Variants in PRR29 observed in about 807,000 individuals in gnomAD.
PRR29 encodes proline rich 29.
PRR29 carries 20 observed loss-of-function variants against 25.1 expected under a neutral mutation model. The observed-to-expected ratio is 0.80, with a 90% confidence interval of 0.56 to 1.16. The LOEUF (loss-of-function observed/expected upper bound fraction) is 1.16. Ranked by LOEUF, PRR29 falls within the 50% of genes most tolerant of loss-of-function variation. The probability of loss-of-function intolerance (pLI) is 0.00; values close to 1 mark genes in which losing one functional copy is unlikely to be tolerated. For synonymous variants in PRR29, 108 were observed against 102.6 expected (o/e 1.05, Z -0.32); for missense variants, 238 against 246.6 (o/e 0.97, Z 0.23).
At position 64,001,534 on chromosome 17, in the gene PRR29, T is replaced by C. The variant is rs1031888122; in HGVS notation, c.538T>C (p.Ser180Pro). Residue 180 changes from serine (S) to proline (P), a missense_variant, in exon 5 of 6, where the codon TCA becomes CCA. Ser to Pro is a moderately conservative substitution (Grantham distance 74). Transcript: ENST00000412177. ...GTVGADVPPA[S>P]DYYDAESLL ...TGTGGGTGCTGATGTACCCCCGGCT[T>C]CAGGTAGGGCTGGGGTGGTGGGCAG... 3 of 1,517,980 alleles carry C rather than the reference T, an allele frequency of 2.0e-6. No homozygotes were observed. Among genetic ancestry groups the C allele is most frequent in the Admixed American group, 2.1e-5 (1 of 48,578 alleles). The allele number at this position is 1,517,980 out of a possible 1,614,324, so 94.0% of individuals were successfully genotyped here.
At chr17:64,000,819 ATTTTTT>A (rs55731979) in intron 3 of PRR29, 3,116 of 304,198 alleles carry the variant, frequency 0.01, 1 homozygote, top group South Asian at 0.021. Flanking sequence ...TGCCCAGCTA[ATTTTTT>A]TTTTTTTTTT....
intron 3 of PRR29, among the ~76,000 whole-genome samples, chr17:64,000,294 G>A (rs982493074): frequency 1.3e-5 from 2 of 152,144 alleles, no homozygotes; most frequent in African/African-American, 4.8e-5. Context: ...TGTAGTAAAC[G>A]CTCAATAAAC....
intron 4 of PRR29, 25 bp downstream of exon 4, chr17:64,001,335 G>A: frequency 6.5e-7 from 1 of 1,527,410 alleles, no homozygotes; most frequent in Non-Finnish European, 8.8e-7. Context: ...GTGCTGCCAG[G>A]GTTCTGCTCT....
chr17:64,000,370 C>G (rs540728232), intron 3 of PRR29, among the ~76,000 whole-genome samples: 35 of 152,252 alleles, frequency 2.3e-4, no homozygotes, highest in African/African-American at 8.4e-4. Context: ...CTCTCTGTCA[C>G]CTAGGCTGGA....
rs1910997337 is a variant in PRR29 at position 64,003,802 on chromosome 17, G to T, written c.*2041G>T. 2 of 1,614,142 alleles carry T rather than the reference G, an allele frequency of 1.2e-6. No individual in the cohort carries two copies. Among genetic ancestry groups the T allele is most frequent in the Non-Finnish European group, 8.5e-7 (1 of 1,180,058 alleles). On this transcript the variant is annotated 3_prime_UTR_variant, in exon 6 of 6. Coordinates refer to ENST00000412177, the MANE Select transcript of PRR29 (RefSeq NM_001164257.2). Reference sequence around the variant, plus strand: ...TGTGGCCTCCTGCGGAGCAGGGGCTGCCTTCCCGAAGGTCTCATAGTGCAG... The same window carrying T: ...TGTGGCCTCCTGCGGAGCAGGGGCTTCCTTCCCGAAGGTCTCATAGTGCAG...
In PRR29 at chr17:64,003,245, A is replaced by G; in HGVS notation, c.*1484A>G. 2.3e-6 allele frequency: 1 copy of G among 435,830 alleles called. No individual in the cohort carries two copies. Among genetic ancestry groups the G allele is most frequent in the Non-Finnish European group, 4.2e-6 (1 of 239,588 alleles). 27.0% of individuals were successfully genotyped at this position (435,830 alleles called of 1,614,324 possible). ...CCTGGAGGGTGGCATGGTCCCAGCCAAGCCCCTTCTTGGGCAGAGCTGAGT... is the reference window on the plus strand; with the variant it reads ...CCTGGAGGGTGGCATGGTCCCAGCCGAGCCCCTTCTTGGGCAGAGCTGAGT... On this transcript the variant is annotated 3_prime_UTR_variant, in exon 6 of 6. Transcript: ENST00000412177.
rs776925068 is a variant in PRR29 at position 64,002,915 on chromosome 17, C to CCCTG, written c.*1154_*1155insCCTG. 4.3e-6 allele frequency: 7 copies of CCCTG among 1,612,916 alleles called. No individual in the cohort carries two copies. The highest frequency in any genetic ancestry group is 5.9e-6 in the Non-Finnish European group (7 of 1,179,538). ...TGACTATGATGACCATCTGGCTGTC[C>CCCTG]GACACAGGCTCTGGGGAGGGAGGGG... On this transcript the variant is annotated 3_prime_UTR_variant, in exon 6 of 6. Coordinates refer to ENST00000412177, the MANE Select transcript of PRR29 (RefSeq NM_001164257.2).
chr17:64,000,877 A>G, intron 3 of PRR29: 1 of 552,562 alleles, frequency 1.8e-6, no homozygotes, highest in Non-Finnish European at 3.2e-6. Flanking sequence ...CGTGTTAGCC[A>G]GGATGGTCTC....
At chr17:64,000,963 G>A (rs1275892940) in intron 3 of PRR29, 121 bp from the exon 4 acceptor site, 2 of 883,410 alleles carry the variant, frequency 2.3e-6, no homozygotes, top group South Asian at 1.6e-5. Context: ...ACCATGCCTG[G>A]CCACAAGCCA....
At position 63,999,052 on chromosome 17, in the gene PRR29, G is replaced by A. The variant is rs1345574462; in HGVS notation, c.221G>A (p.Arg74Gln). Residue 74 changes from arginine (R) to glutamine (Q), a missense_variant, in exon 3 of 6, where the codon CGG becomes CAG. Transcript: ENST00000412177. ...SRLVAGALQP[R>Q]PASPCPQVYL... is the part of the protein sequence containing the mutation. Reference sequence around the variant, plus strand: ...CTGGTGGCTGGAGCGCTGCAGCCCCGGCCTGCCTCGCCCTGCCCTCAGGTG... The same window carrying A: ...CTGGTGGCTGGAGCGCTGCAGCCCCAGCCTGCCTCGCCCTGCCCTCAGGTG... The A allele has an allele frequency of 4.6e-6, 7 of 1,535,690 alleles. No homozygotes were observed. The highest frequency in any genetic ancestry group is 4.1e-5 in the African/African-American group (3 of 73,006).
intron 3 of PRR29, 162 bp downstream of exon 3, chr17:63,999,236 C>A: frequency 1.6e-6 from 1 of 632,490 alleles, no homozygotes; most frequent in Non-Finnish European, 2.7e-6. Flanking sequence ...GTTTCAGCCT[C>A]CATGAAAGGT....
rs1016855391 is a variant in PRR29 at position 63,998,726 on chromosome 17, A to G, written c.80A>G (p.Gln27Arg). Residue 27 changes from glutamine to arginine, a missense_variant, in exon 2 of 6, where the codon CAG becomes CGG. By Grantham distance (43) the Gln-to-Arg change is conservative (BLOSUM62 1). Transcript: ENST00000412177. ...AVPTPWVTFL[Q>R]PLSWAVPPAP... ...CCCCAGCCCTGGGTCACCTTCCTGC[A>G]GCCCCTCTCGTGGGCCGTCCCACCT... 6.0e-6 allele frequency: 9 copies of G among 1,495,408 alleles called. No homozygotes were observed. The highest frequency in any genetic ancestry group is 8.0e-6 in the Non-Finnish European group (9 of 1,131,138). The allele number at this position is 1,495,408 out of a possible 1,614,324, so 92.6% of individuals were successfully genotyped here.
intron 1 of PRR29, 39 bp from the exon 2 acceptor site, chr17:63,998,667 TC>T: frequency 9.5e-6 from 11 of 1,162,680 alleles, no homozygotes; most frequent in South Asian, 1.3e-5. Flanking sequence ...CCCCATCCAT[TC>T]CCCCCACCCC....
In PRR29 at chr17:64,003,795, A is replaced by C. The variant is rs751202278; in HGVS notation, c.*2034A>C. 1.9e-6 allele frequency: 3 copies of C among 1,614,258 alleles called. No individual in the cohort carries two copies. The highest frequency in any genetic ancestry group is 1.1e-5 in the South Asian group (1 of 91,092). ...ATGTGGCTGTGGCCTCCTGCGGAGCAGGGGCTGCCTTCCCGAAGGTCTCAT... is the reference window on the plus strand; with the variant it reads ...ATGTGGCTGTGGCCTCCTGCGGAGCCGGGGCTGCCTTCCCGAAGGTCTCAT... On this transcript the variant is annotated 3_prime_UTR_variant, in exon 6 of 6. Transcript: ENST00000412177.
In PRR29 at chr17:63,999,000, C is replaced by T; in HGVS notation, c.169C>T (p.Gln57Ter). The T allele has an allele frequency of 6.5e-7, 1 of 1,536,226 alleles. No homozygotes were observed. The highest frequency in any genetic ancestry group is 1.7e-4 in the Middle Eastern group (1 of 5,990). Residue 57 changes from glutamine to a stop codon, truncating the protein, a stop_gained, in exon 3 of 6, where the codon CAG becomes TAG. Coordinates refer to ENST00000412177, the MANE Select transcript of PRR29 (RefSeq NM_001164257.2). LOFTEE classifies it high-confidence loss of function. ...LLELMMLQNA[Q>*]MHQLLLSRLV... ...GGAACTGATGATGCTGCAGAACGCG[C>T]AGATGCACCAGCTGCTGCTGAGTCG...
intron 3 of PRR29, 104 bp downstream of exon 3, chr17:63,999,178 C>A: frequency 1.2e-6 from 1 of 850,018 alleles, no homozygotes; most frequent in Non-Finnish European, 1.8e-6. Context: ...GACAGAGGAG[C>A]AGGAAGCCAG....
At chr17:64,001,561 G>T in intron 5 of PRR29, 24 bp downstream of exon 5, 1 of 1,510,636 alleles carries the variant, frequency 6.6e-7, no homozygotes, top group Non-Finnish European at 8.8e-7. Flanking sequence ...GGTGGGCAGC[G>T]GGGCCCAGGC....
rs1467639729 is a variant in PRR29, at chr17:64,003,526, C to T, written c.*1765C>T. On this transcript the variant is annotated 3_prime_UTR_variant, in exon 6 of 6. Transcript: ENST00000412177. ...AAGAGGGAGAGTAAGAGGGAAGCCT[C>T]AGGATGAAGGGTGGGCTCCTGGGTG... 11 of 911,868 alleles carry T rather than the reference C, an allele frequency of 1.2e-5. No homozygotes were observed. The highest frequency in any genetic ancestry group is 1.7e-5 in the Non-Finnish European group (10 of 583,254). 56.5% of individuals were successfully genotyped at this position (911,868 alleles called of 1,614,324 possible).
rs1310016433 is a variant in PRR29, at chr17:64,004,125, T to C, written c.*2364T>C. 8.3e-6 allele frequency: 5 copies of C among 605,560 alleles called. No homozygotes were observed. Among genetic ancestry groups the C allele is most frequent in the Non-Finnish European group, 1.5e-5 (5 of 341,416 alleles). The allele number at this position is 605,560 out of a possible 1,614,324, so 37.5% of individuals were successfully genotyped here. ...AGAGGAAGAGGGCAGCAGTTGAGGA[T>C]GGAGGCTGGACTGTGTGGTAGTTTT... On this transcript the variant is annotated 3_prime_UTR_variant, in exon 6 of 6. Transcript: ENST00000412177.
Sources: allele counts gnomAD v4.1 joint callset (sites outside exome capture counted in the v4.1 genomes callset), GRCh38; gene constraint gnomAD v4.1.1; transcripts MANE v1.5; gene names NCBI Gene and HGNC (gene_info 2026-07-23, HGNC 2026-07-21).